ANKIB1: variants seen among roughly 807,000 people sequenced by gnomAD.
The protein encoded by ANKIB1 is ankyrin repeat and IBR domain containing 1, also known as ankyrin repeat and IBR domain-containing protein 1.
In ANKIB1, 43 loss-of-function variants were observed where a neutral mutation model predicts 122.1. The ratio of observed to expected loss-of-function variants is 0.35; its 90% confidence interval spans 0.28 to 0.45. The LOEUF is 0.45. ANKIB1 is among the 20% of genes least tolerant of loss of function. The pLI is 1.00. For missense variants in ANKIB1, 992 were observed against 1,329.5 expected, an observed-to-expected ratio of 0.75 and a Z score of 3.95; for synonymous variants, 390 against 442.0, an observed-to-expected ratio of 0.88 and a Z score of 1.48.
chr7:92,267,210 A>T (rs770747591), intron 1 of ANKIB1, among the ~76,000 whole-genome samples: 1 of 152,222 alleles, frequency 6.6e-6, no homozygotes. Context: ...TGTTTCATTT[A>T]TATTTTTTAG....
chr7:92,300,320 TA>T (rs1802435561), intron 2 of ANKIB1, among the ~76,000 whole-genome samples: 1 of 152,352 alleles, frequency 6.6e-6, no homozygotes, highest in East Asian at 1.9e-4. Context: ...ACTTTATACT[TA>T]TGTTTTTACA....
chr7:92,398,459 C>G lies in ANKIB1; in HGVS notation c.2780C>G (p.Ala927Gly). 1 of 1,613,904 alleles carries G rather than the reference C, an allele frequency of 6.2e-7. No individual in the cohort carries two copies. Among genetic ancestry groups the G allele is most frequent in the African/African-American group, 1.3e-5 (1 of 75,042 alleles). The change falls in exon 20 of 20, where the codon GCA becomes GGA. Residue 927 changes from alanine (A) to glycine (G), a missense_variant. Transcript: ENST00000265742. ...GGTGACAGCCTCATGAGACTAGGAG[C>G]AGAGAATGACCCATTTTCAACTGAC... ...ELGDSLMRLG[A>G]ENDPFSTDTL...
intron 2 of ANKIB1, among the ~76,000 whole-genome samples, chr7:92,300,667 C>T (rs1241973346): frequency 6.6e-6 from 1 of 151,976 alleles, no homozygotes; most frequent in East Asian, 1.9e-4. Context: ...AGTCAAGCTA[C>T]TTAACATATT....
intron 1 of ANKIB1, among the ~76,000 whole-genome samples, chr7:92,251,817 T>G (rs915795650): frequency 2.0e-5 from 3 of 152,204 alleles, no homozygotes; most frequent in Admixed American, 6.5e-5. Flanking sequence ...AACACTGCTA[T>G]CTAGTCCAAA....
At chr7:92,388,140 C>A in intron 14 of ANKIB1, 99 bp downstream of exon 14, 2 of 1,126,242 alleles carry the variant, frequency 1.8e-6, no homozygotes, top group Non-Finnish European at 2.6e-6. Flanking sequence ...ACATTATGTT[C>A]ATTAGCTTGT....
Position 92,350,689 on chromosome 7 carries a change from G to A in ANKIB1, c.1086-261G>A, listed in dbSNP as rs570242774. On this transcript the variant is annotated intron_variant, in intron 7 of 19. Transcript: ENST00000265742. ...TCTGGACAACATAGCAAGACCCATC[G>A]CTAGCAAAAATTTAAAAATTAGCCC... Among the ~76,000 whole-genome samples the A allele has an allele frequency of 4.9e-4, 75 of 152,104 alleles. 1 individual carries two copies. Among genetic ancestry groups the A allele is most frequent in the South Asian group, 2.1e-4 (1 of 4,812 alleles).
At chr7:92,312,042 GTA>G (rs1410755169) in intron 3 of ANKIB1, among the ~76,000 whole-genome samples, 3 of 152,036 alleles carry the variant, frequency 2.0e-5, no homozygotes, top group African/African-American at 7.2e-5. Flanking sequence ...TCCTTATCCA[GTA>G]TTGATACCTG....
intron 8 of ANKIB1, 72 bp downstream of exon 8, chr7:92,351,166 T>G: frequency 8.1e-7 from 1 of 1,235,318 alleles, no homozygotes; most frequent in Non-Finnish European, 1.1e-6. Context: ...AACATTATTT[T>G]TTCTTTTTGT....
rs1457416227 is a variant in ANKIB1 at position 92,246,203 on chromosome 7, GCC to G, written c.-403_-402del. On this transcript the variant is annotated 5_prime_UTR_variant, in exon 1 of 20. Transcript: ENST00000265742. ...CCGCGAGGCGGAGGCAAGAGCCACCGCCCCCTCTTCCCCTCCCCCGAGTGAGG... is the reference window on the plus strand; with the variant it reads ...CCGCGAGGCGGAGGCAAGAGCCACCGCCCTCTTCCCCTCCCCCGAGTGAGG... 1 of 364,486 alleles carries G rather than the reference GCC, an allele frequency of 2.7e-6. No individual in the cohort carries two copies. The highest frequency in any genetic ancestry group is 1.4e-4 in the East Asian group (1 of 7,260). The allele number at this position is 364,486 out of a possible 1,614,324, so 22.6% of individuals were successfully genotyped here. A position where few individuals can be genotyped will look rare whatever the true frequency, so the allele number is the denominator to read the frequency against.
At chr7:92,287,574 A>C (rs1047639793) in intron 1 of ANKIB1, among the ~76,000 whole-genome samples, 1 of 152,128 alleles carries the variant, frequency 6.6e-6, no homozygotes, top group African/African-American at 2.4e-5. Flanking sequence ...GTGCTTCTCC[A>C]CTGTGAATTA....
Position 92,372,164 on chromosome 7 carries a change from T to G in ANKIB1, c.1617+557T>G, listed in dbSNP as rs993880261. Among the ~76,000 whole-genome samples, 3 of 152,218 alleles carry G rather than the reference T, an allele frequency of 2.0e-5. No individual in the cohort carries two copies. The East Asian group carries it at 5.8e-4, about 29-fold the overall frequency. ...CTCTCTGTATCCATGGGTTTCATAGTGTTGGGTTCTGCATTCATGGATTCA... is the reference window on the plus strand; with the variant it reads ...CTCTCTGTATCCATGGGTTTCATAGGGTTGGGTTCTGCATTCATGGATTCA... On this transcript the variant is annotated intron_variant, in intron 11 of 19. Transcript: ENST00000265742.
At chr7:92,369,683 C>T (rs958562991) in intron 10 of ANKIB1, among the ~76,000 whole-genome samples, 1 of 152,210 alleles carries the variant, frequency 6.6e-6, no homozygotes, top group Non-Finnish European at 1.5e-5. Flanking sequence ...CTGAAAGTGA[C>T]TGCATGTAAA....
intron 2 of ANKIB1, among the ~76,000 whole-genome samples, chr7:92,296,830 ATAAT>A (rs1224478838): frequency 6.6e-6 from 1 of 152,172 alleles, no homozygotes; most frequent in Non-Finnish European, 1.5e-5. Flanking sequence ...AATTTCATAA[ATAAT>A]TTAGGTCATC....
intron 11 of ANKIB1, among the ~76,000 whole-genome samples, chr7:92,372,419 TCA>T (rs1405058288): frequency 1.3e-5 from 2 of 152,182 alleles, no homozygotes; most frequent in Non-Finnish European, 2.9e-5. Context: ...TTGATTATTC[TCA>T]GATTTTGGTG....
intron 7 of ANKIB1, 80 bp from the exon 8 acceptor site, chr7:92,350,870 A>C: frequency 7.2e-7 from 1 of 1,398,258 alleles, no homozygotes; most frequent in Admixed American, 2.9e-5. Context: ...AAAAAAAAGG[A>C]AAGAAAAAGG....
intron 3 of ANKIB1, among the ~76,000 whole-genome samples, chr7:92,318,241 C>T (rs1006874368): frequency 6.6e-6 from 1 of 152,078 alleles, no homozygotes; most frequent in African/African-American, 2.4e-5. Flanking sequence ...TGTGGCTGGG[C>T]GCGGTGGCTC....
intron 4 of ANKIB1, among the ~76,000 whole-genome samples, chr7:92,324,297 G>A (rs1202136628): frequency 6.6e-5 from 10 of 152,124 alleles, no homozygotes; most frequent in African/African-American, 2.4e-4. Context: ...ACAGTAGTGC[G>A]ATCTCAGCTC....
chr7:92,309,626 C>G (rs1802642031), intron 3 of ANKIB1, among the ~76,000 whole-genome samples: 1 of 151,796 alleles, frequency 6.6e-6, no homozygotes, highest in Non-Finnish European at 1.5e-5. Context: ...AGCAATAGTG[C>G]TCTTAAATAT....
chr7:92,263,440 C>T (rs1359349525), intron 1 of ANKIB1, among the ~76,000 whole-genome samples: 1 of 152,274 alleles, frequency 6.6e-6, no homozygotes, highest in East Asian at 1.9e-4. Flanking sequence ...TAAAACATGT[C>T]TTAACAAACC....
Sources: gnomAD v4.1 joint callset for allele counts (sites outside exome capture counted in the v4.1 genomes callset) on GRCh38, gnomAD v4.1.1 for gene constraint, MANE v1.5 for transcripts, NCBI Gene and HGNC (gene_info 2026-07-23, HGNC 2026-07-21) for gene names.